CDYL: variants seen among roughly 807,000 people sequenced by gnomAD.
CDYL encodes chromodomain Y like, also known as chromodomain Y-like protein.
A neutral mutation model predicts 47.3 loss-of-function variants in CDYL; 8 were observed. That is an observed-to-expected ratio of 0.17 (90% CI 0.10 to 0.31). CDYL has a LOEUF of 0.31. CDYL is among the 10% of genes least tolerant of loss of function. The pLI, the probability that CDYL is intolerant of heterozygous loss-of-function variation, is 1.00. For missense variants in CDYL, 471 were observed against 701.4 expected (o/e 0.67, Z 3.71); for synonymous variants, 266 against 265.0 (o/e 1.00, Z -0.04).
At chr6:4,835,172 G>A (rs933987554) in intron 1 of CDYL, among the ~76,000 whole-genome samples, 6 of 152,108 alleles carry the variant, frequency 3.9e-5, no homozygotes, top group Non-Finnish European at 8.8e-5. Context: ...TCCAGTTTTT[G>A]TGCTCTGTTT....
intron 4 of CDYL, among the ~76,000 whole-genome samples, chr6:4,941,142 T>C (rs1758349523): frequency 6.6e-6 from 1 of 152,246 alleles, no homozygotes. Flanking sequence ...TTGAATTCAA[T>C]TCCAAAGAAA....
upstream of CDYL, chr6:4,774,881 T>TG (rs1475959307): frequency 6.6e-6 from 1 of 152,256 alleles, no homozygotes; most frequent in Non-Finnish European, 1.5e-5. Flanking sequence ...ATCCCTGAGC[T>TG]GGGAGTTTGT....
intron 2 of CDYL, among the ~76,000 whole-genome samples, chr6:4,723,914 T>C (rs12208133): frequency 0.13 from 19,452 of 152,268 alleles, 1,518 homozygotes; most frequent in African/African-American, 0.23. Context: ...TCATTCCTTA[T>C]GGCTCCTGAT....
intron 1 of CDYL, among the ~76,000 whole-genome samples, chr6:4,855,118 TTGAC>T (rs2127465534): frequency 6.6e-6 from 1 of 152,336 alleles, no homozygotes; most frequent in East Asian, 1.9e-4. Flanking sequence ...GGATTTTAGA[TTGAC>T]TATATAGATA....
rs758795798 is a variant in CDYL, at chr6:4,892,077, G to T, written c.389G>T (p.Arg130Leu). ...AACACAGCTCCATCTCTCTCCAGCC[G>T]GAAGAACATGGACCTAGCGAAGTCA... ...RKNTAPSLSS[R>L]KNMDLAKSGI... Residue 130 changes from arginine (R) to leucine (L), a missense_variant, in exon 2 of 7, where the codon CGG becomes CTG. Arg to Leu is a moderately radical substitution (Grantham distance 102, BLOSUM62 -2). Around this residue, in one of 3 missense-constraint regions of CDYL, gnomAD observed 311 missense variants for 350.0 expected, o/e 0.89. Transcript: ENST00000397588. 2.3e-5 allele frequency: 37 copies of T among 1,614,214 alleles called. No homozygotes were observed. Among genetic ancestry groups the T allele is most frequent in the Non-Finnish European group, 3.1e-5 (37 of 1,180,036 alleles).
intron 1 of CDYL, among the ~76,000 whole-genome samples, chr6:4,823,755 A>G (rs1203979324): frequency 6.6e-6 from 1 of 152,214 alleles, no homozygotes; most frequent in Admixed American, 6.5e-5. Context: ...AACATTTGCC[A>G]TTATAACAAT....
chr6:4,855,231 G>A (rs1203589169), intron 1 of CDYL, among the ~76,000 whole-genome samples: 4 of 152,258 alleles, frequency 2.6e-5, no homozygotes, highest in South Asian at 2.1e-4. Context: ...TAAAATGAAA[G>A]ATAATTGACC....
intron 1 of CDYL, among the ~76,000 whole-genome samples, chr6:4,824,636 T>TA (rs1759928399): frequency 6.6e-6 from 1 of 152,196 alleles, no homozygotes; most frequent in Non-Finnish European, 1.5e-5. Flanking sequence ...CCTTACCAGA[T>TA]ATGATTTGCA....
At chr6:4,813,710 G>A (rs1759590612) in intron 1 of CDYL, among the ~76,000 whole-genome samples, 2 of 151,846 alleles carry the variant, frequency 1.3e-5, no homozygotes, top group Non-Finnish European at 2.9e-5. Flanking sequence ...TGTTTTGGTG[G>A]AATTTGCCTC....
chr6:4,822,561 C>T (rs565167949), intron 1 of CDYL, among the ~76,000 whole-genome samples: 34 of 152,246 alleles, frequency 2.2e-4, no homozygotes, highest in Admixed American at 1.0e-3. Flanking sequence ...AATTTCTAAT[C>T]CTGGCAATGA....
chr6:4,910,832 ATTT>A (rs34456219), intron 2 of CDYL, among the ~76,000 whole-genome samples: 11 of 147,404 alleles, frequency 7.5e-5, no homozygotes, highest in African/African-American at 2.0e-4. Flanking sequence ...CTGAGAAAGG[ATTT>A]TTTTTTTTTT....
intron 1 of CDYL, among the ~76,000 whole-genome samples, chr6:4,807,525 C>T (rs1158353685): frequency 6.7e-6 from 1 of 150,292 alleles, no homozygotes; most frequent in Non-Finnish European, 1.5e-5. Flanking sequence ...GTTTCTTCCA[C>T]ATTTGCTAAT....
At chr6:4,830,051 T>C (rs986925566) in intron 1 of CDYL, among the ~76,000 whole-genome samples, 3 of 152,246 alleles carry the variant, frequency 2.0e-5, no homozygotes, top group African/African-American at 7.2e-5. Context: ...GAAATGTTTC[T>C]GTATGAGAAG....
intron 2 of CDYL, among the ~76,000 whole-genome samples, chr6:4,906,784 T>A (rs1757250346): frequency 6.6e-6 from 1 of 151,936 alleles, no homozygotes; most frequent in Admixed American, 6.6e-5. Flanking sequence ...TGAGTTTTGG[T>A]TTGGTTTCGT....
chr6:4,790,385 T>C (rs1758886184), intron 1 of CDYL, among the ~76,000 whole-genome samples: 1 of 152,216 alleles, frequency 6.6e-6, no homozygotes, highest in South Asian at 2.1e-4. Context: ...TTGGGTTTGC[T>C]TGAGAACATT....
At chr6:4,873,937 A>C (rs780302946) in intron 1 of CDYL, among the ~76,000 whole-genome samples, 4 of 152,134 alleles carry the variant, frequency 2.6e-5, no homozygotes, top group African/African-American at 7.2e-5. Context: ...ACCTGGGTAC[A>C]CATGTGCGTG....
At chr6:4,856,138 G>C (rs1168106907) in intron 1 of CDYL, among the ~76,000 whole-genome samples, 1 of 152,202 alleles carries the variant, frequency 6.6e-6, no homozygotes, top group African/African-American at 2.4e-5. Context: ...CCAGGGTATA[G>C]CAGTGAACAA....
At chr6:4,856,111 A>C (rs1270972671) in intron 1 of CDYL, among the ~76,000 whole-genome samples, 1 of 152,238 alleles carries the variant, frequency 6.6e-6, no homozygotes, top group East Asian at 1.9e-4. Flanking sequence ...TGGTCACAGC[A>C]CAGGTATCTA....
intron 5 of CDYL, among the ~76,000 whole-genome samples, chr6:4,945,470 C>T (rs1758484549): frequency 6.6e-6 from 1 of 152,194 alleles, no homozygotes; most frequent in South Asian, 2.1e-4. Context: ...ACCCATAGCT[C>T]CCACCTCTGC....
Sources: allele counts gnomAD v4.1 joint callset (sites outside exome capture counted in the v4.1 genomes callset), GRCh38; gene constraint gnomAD v4.1.1; regional missense constraint gnomAD v4.1.1; transcripts MANE v1.5; gene names NCBI Gene and HGNC (gene_info 2026-07-23, HGNC 2026-07-21).